Variants in HS3ST3A1 observed in about 807,000 individuals in gnomAD.
HS3ST3A1 encodes heparan sulfate-glucosamine 3-sulfotransferase 3A1, also known as heparan sulfate glucosamine 3-O-sulfotransferase 3A1.
Under a neutral mutation model 25.7 loss-of-function variants are expected in HS3ST3A1, and 19 were observed. The ratio of observed to expected loss-of-function variants is 0.74; its 90% CI spans 0.52 to 1.08. The LOEUF (loss-of-function observed/expected upper bound fraction) is 1.08, where lower values mean the gene tolerates loss of function less well. Among genes scored for constraint, HS3ST3A1 ranks in the 50% least tolerant of loss-of-function variants. The pLI, the probability that HS3ST3A1 is intolerant of heterozygous loss-of-function variation, is 0.00. For synonymous variants in HS3ST3A1, 226 were observed against 278.6 expected (o/e 0.81, Z 1.88); for missense variants, 459 against 594.3 (o/e 0.77, Z 2.37).
At chr17:13,501,721 A>G (rs1425381093) in intron 1 of HS3ST3A1, among the ~76,000 whole-genome samples, 1 of 152,192 alleles carries the variant, frequency 6.6e-6, no homozygotes, top group Non-Finnish European at 1.5e-5. Context: ...GGCCATTATT[A>G]CTACAGGGAA....
At chr17:13,582,030 C>T (rs1228581597) in intron 1 of HS3ST3A1, among the ~76,000 whole-genome samples, 1 of 152,194 alleles carries the variant, frequency 6.6e-6, no homozygotes, top group African/African-American at 2.4e-5. Context: ...ATTACCTTGA[C>T]TTAAGCAAAC....
At chr17:13,548,800 C>T (rs190300324) in intron 1 of HS3ST3A1, among the ~76,000 whole-genome samples, 8 of 152,122 alleles carry the variant, frequency 5.3e-5, no homozygotes, top group Non-Finnish European at 1.2e-4. Flanking sequence ...ACACACCAAT[C>T]AGCACTCTGT....
rs1905220524 is a variant in HS3ST3A1 at position 13,494,610 on chromosome 17, T to C, written c.*1587A>G. 6.6e-6 allele frequency among the ~76,000 whole-genome samples: 1 copy of C among 151,968 alleles called. No individual in the cohort carries two copies. Among genetic ancestry groups the C allele is most frequent in the African/African-American group, 2.4e-5 (1 of 41,404 alleles). ...GCAGATAAAGAAAACTTCCATGAAA[T>C]AGAAGACATTTTTCCTCTTGGGTTT... On this transcript the variant is annotated 3_prime_UTR_variant, in exon 2 of 2. Coordinates refer to ENST00000284110, the MANE Select transcript of HS3ST3A1 (RefSeq NM_006042.3).
chr17:13,592,471 C>T (rs561536945), intron 1 of HS3ST3A1, among the ~76,000 whole-genome samples: 127 of 152,166 alleles, frequency 8.3e-4, no homozygotes, highest in African/African-American at 2.6e-3. Flanking sequence ...AAGGCTAAAA[C>T]GCATGAAGAA....
At chr17:13,546,568 T>C (rs939823361) in intron 1 of HS3ST3A1, among the ~76,000 whole-genome samples, 4 of 152,210 alleles carry the variant, frequency 2.6e-5, no homozygotes, top group Non-Finnish European at 4.4e-5. Flanking sequence ...GCCCAGCCCA[T>C]ATTACGCTTC....
chr17:13,568,447 A>G (rs1907727855), intron 1 of HS3ST3A1, among the ~76,000 whole-genome samples: 1 of 152,150 alleles, frequency 6.6e-6, no homozygotes, highest in Non-Finnish European at 1.5e-5. Flanking sequence ...TGCTATTTTA[A>G]TCTGCAGTTT....
chr17:13,601,139 A>G lies in HS3ST3A1; in HGVS notation c.-10T>C. The G allele has an allele frequency of 6.6e-7, 1 of 1,514,434 alleles. No homozygotes were observed. The highest frequency in any genetic ancestry group is 8.8e-7 in the Non-Finnish European group (1 of 1,134,732). The allele number at this position is 1,514,434 out of a possible 1,614,324, so 93.8% of individuals were successfully genotyped here. ...GGCCCGGAGGGGCCATCCTAGCCGG[A>G]GGCGACGTCGGGCAACGCGCCGGCC... On this transcript the variant is annotated 5_prime_UTR_variant, in exon 1 of 2. Coordinates refer to ENST00000284110, the MANE Select transcript of HS3ST3A1 (RefSeq NM_006042.3).
chr17:13,550,891 A>G (rs1464436577), intron 1 of HS3ST3A1, among the ~76,000 whole-genome samples: 3 of 151,998 alleles, frequency 2.0e-5, no homozygotes, highest in African/African-American at 7.2e-5. Flanking sequence ...GCAGAGTGAA[A>G]CCCCGTCTCT....
At chr17:13,503,173 C>CAAAAAAAAA (rs144678351) in intron 1 of HS3ST3A1, among the ~76,000 whole-genome samples, 20 of 86,856 alleles carry the variant, frequency 2.3e-4, no homozygotes, top group Non-Finnish European at 3.9e-4. Context: ...GACTCCATCT[C>CAAAAAAAAA]AAAAAAAAAA....
chr17:13,516,847 C>T (rs935917031), intron 1 of HS3ST3A1, among the ~76,000 whole-genome samples: 2 of 152,012 alleles, frequency 1.3e-5, no homozygotes, highest in Non-Finnish European at 2.9e-5. Context: ...CCACTACGCC[C>T]GGCTAATTTT....
chr17:13,591,084 T>C (rs555993741), intron 1 of HS3ST3A1, among the ~76,000 whole-genome samples: 39 of 150,654 alleles, frequency 2.6e-4, no homozygotes, highest in African/African-American at 9.6e-4. Context: ...TCTCACTCTG[T>C]CAGCCAGACT....
intron 1 of HS3ST3A1, among the ~76,000 whole-genome samples, chr17:13,506,956 C>T (rs1905700850): frequency 6.6e-6 from 1 of 150,930 alleles, no homozygotes; most frequent in East Asian, 1.9e-4. Context: ...GTAATCCCAG[C>T]TCCTCAGGTG....
At chr17:13,586,806 C>T (rs1192564199) in intron 1 of HS3ST3A1, among the ~76,000 whole-genome samples, 1 of 125,216 alleles carries the variant, frequency 8.0e-6, no homozygotes, top group East Asian at 2.3e-4. Flanking sequence ...GGAGGCAGAG[C>T]TTGCAGTGAG....
At chr17:13,525,782 T>C (rs191153277) in intron 1 of HS3ST3A1, among the ~76,000 whole-genome samples, 7 of 152,340 alleles carry the variant, frequency 4.6e-5, no homozygotes, top group Non-Finnish European at 8.8e-5. Context: ...TTTGTCCATA[T>C]TTGGGACTGA....
chr17:13,546,049 G>C (rs1241343272), intron 1 of HS3ST3A1, among the ~76,000 whole-genome samples: 2 of 152,054 alleles, frequency 1.3e-5, no homozygotes, highest in Non-Finnish European at 2.9e-5. Flanking sequence ...TCGTTTGAGA[G>C]AGAGAGTGCG....
At chr17:13,570,471 G>T (rs62053884) in intron 1 of HS3ST3A1, among the ~76,000 whole-genome samples, 1 of 152,102 alleles carries the variant, frequency 6.6e-6, no homozygotes, top group African/African-American at 2.4e-5. Flanking sequence ...GCATTCTAAG[G>T]TTATTTCCTT....
At chr17:13,584,430 A>G (rs1332452005) in intron 1 of HS3ST3A1, among the ~76,000 whole-genome samples, 1 of 151,082 alleles carries the variant, frequency 6.6e-6, no homozygotes, top group African/African-American at 2.4e-5. Context: ...TTCCAAAAAA[A>G]AAAAAGAAGA....
At chr17:13,577,768 TC>T (rs1907984216) in intron 1 of HS3ST3A1, among the ~76,000 whole-genome samples, 1 of 152,230 alleles carries the variant, frequency 6.6e-6, no homozygotes. Context: ...TGCTTTATTA[TC>T]CTAGTCAATA....
At chr17:13,520,440 G>A (rs1906193582) in intron 1 of HS3ST3A1, among the ~76,000 whole-genome samples, 2 of 152,160 alleles carry the variant, frequency 1.3e-5, no homozygotes, top group Admixed American at 6.5e-5. Context: ...CTGGTCAGAA[G>A]ACAGGGTAAC....
Sources: allele counts gnomAD v4.1 joint callset (sites outside exome capture counted in the v4.1 genomes callset), GRCh38; gene constraint gnomAD v4.1.1; transcripts MANE v1.5; gene names NCBI Gene and HGNC (gene_info 2026-07-23, HGNC 2026-07-21).